Variants in C2orf92 observed in about 807,000 individuals in gnomAD.
C2orf92 encodes the protein uncharacterized protein C2orf92.
At chr2:97,677,918 A>G (rs1014799711) in intron 3 of C2orf92, among the ~76,000 whole-genome samples, 5 of 152,204 alleles carry the variant, frequency 3.3e-5, no homozygotes, top group African/African-American at 1.2e-4. Flanking sequence ...GAAAAGTGTA[A>G]TAAATGAATA....
At chr2:97,686,661 G>T (rs1573217321) in intron 3 of C2orf92, among the ~76,000 whole-genome samples, 1 of 151,878 alleles carries the variant, frequency 6.6e-6, no homozygotes, top group African/African-American at 2.4e-5. Context: ...CTCATGATCT[G>T]CCCACCTCGG....
chr2:97,674,300 AG>A (rs1400926027), intron 1 of C2orf92, 155 bp from the exon 2 acceptor site: 5 of 393,956 alleles, frequency 1.3e-5, no homozygotes, highest in Non-Finnish European at 2.2e-5. Context: ...GAAATGATTT[AG>A]GTAGTTGGAG....
chr2:97,687,025 C>T (rs1181528498), intron 3 of C2orf92, among the ~76,000 whole-genome samples: 1 of 151,808 alleles, frequency 6.6e-6, no homozygotes, highest in Non-Finnish European at 1.5e-5. Flanking sequence ...GTGATGTTTA[C>T]ACAACACTGT....
chr2:97,698,786 G>A (rs1315917606), intron 5 of C2orf92, among the ~76,000 whole-genome samples: 5 of 152,284 alleles, frequency 3.3e-5, no homozygotes, highest in Admixed American at 6.5e-5. Context: ...ATGCACGCTC[G>A]AGTGTAAGAA....
upstream of C2orf92, among the ~76,000 whole-genome samples, chr2:97,667,464 A>C (rs1306205688): frequency 6.9e-5 from 7 of 101,702 alleles, no homozygotes; most frequent in African/African-American, 1.6e-4. Context: ...ATGGAGTCTC[A>C]CTCTGTCACC....
intron 3 of C2orf92, among the ~76,000 whole-genome samples, chr2:97,680,303 A>G (rs955071658): frequency 1.3e-5 from 2 of 152,102 alleles, no homozygotes; most frequent in African/African-American, 4.8e-5. Context: ...CATCTCAAAA[A>G]CAAAAACAAA....
intron 7 of C2orf92, chr2:97,701,919 A>G (rs1450606840): frequency 6.6e-6 from 1 of 152,270 alleles, no homozygotes; most frequent in Non-Finnish European, 1.5e-5. Flanking sequence ...CAGTTGTTAA[A>G]TATTTTGGTT....
chr2:97,671,810 G>A (rs904960910), intron 1 of C2orf92: 7 of 273,186 alleles, frequency 2.6e-5, no homozygotes, highest in East Asian at 6.3e-5. Flanking sequence ...CCCCAAAGCC[G>A]AGCTGAACCT....
chr2:97,689,447 C>G (rs1277960369), intron 4 of C2orf92, among the ~76,000 whole-genome samples: 1 of 152,194 alleles, frequency 6.6e-6, no homozygotes, highest in Non-Finnish European at 1.5e-5. Context: ...AAATGACTTA[C>G]CTTAAGCACA....
At chr2:97,691,736 G>A (rs1676144498) in intron 5 of C2orf92, among the ~76,000 whole-genome samples, 1 of 152,076 alleles carries the variant, frequency 6.6e-6, no homozygotes, top group African/African-American at 2.4e-5. Context: ...TTCCTGGCTG[G>A]GTGATGTAGC....
chr2:97,686,651 C>T (rs890511245), intron 3 of C2orf92, among the ~76,000 whole-genome samples: 1 of 151,842 alleles, frequency 6.6e-6, no homozygotes, highest in Admixed American at 6.6e-5. Context: ...GAACTCCTGA[C>T]TCATGATCTG....
At chr2:97,696,420 G>A (rs2104597993) in intron 5 of C2orf92, among the ~76,000 whole-genome samples, 1 of 152,082 alleles carries the variant, frequency 6.6e-6, no homozygotes, top group South Asian at 2.1e-4. Context: ...CCTCCTCCTT[G>A]GCAGTAGTGA....
chr2:97,686,545 G>A (rs916946691), intron 3 of C2orf92, among the ~76,000 whole-genome samples: 12 of 151,932 alleles, frequency 7.9e-5, no homozygotes, highest in South Asian at 2.1e-4. Flanking sequence ...TCAGCCTCCC[G>A]CGTAGCTGGG....
intron 3 of C2orf92, among the ~76,000 whole-genome samples, chr2:97,686,314 A>G (rs1484454670): frequency 6.6e-6 from 1 of 152,244 alleles, no homozygotes; most frequent in African/African-American, 2.4e-5. Context: ...ATTAGGCCCT[A>G]CCTCCTAACA....
chr2:97,688,914 G>A lies in C2orf92; in HGVS notation c.252G>A (p.Val84=), dbSNP rs1573219612. Residue 84 remains valine, a synonymous_variant, in exon 4 of 8, where the codon GTG becomes GTA. Transcript: ENST00000627399. The part of the protein sequence containing the change: ...AKIFDEILLQ[V]FPKFPYDPSF... ...CTGGAGATGAAATTCTACTGCAGGT[G>A]TTTCCAAAGTTTCCGTATGACCCAT... The A allele has an allele frequency of 2.5e-6, 1 of 398,610 alleles. No individual in the cohort carries two copies. The highest frequency in any genetic ancestry group is 4.4e-6 in the Non-Finnish European group (1 of 226,062). 24.7% of individuals were successfully genotyped at this position (398,610 alleles called of 1,614,324 possible). A position where few individuals can be genotyped will look rare whatever the true frequency, so the allele number is the denominator to read the frequency against.
chr2:97,664,777 G>A (rs1205153242), upstream of C2orf92: 2 of 152,134 alleles, frequency 1.3e-5, no homozygotes, highest in African/African-American at 4.8e-5. Flanking sequence ...ATCTCGCTAT[G>A]TTCCCCGGGC....
intron 5 of C2orf92, among the ~76,000 whole-genome samples, chr2:97,690,793 T>G (rs1221466361): frequency 1.3e-5 from 2 of 150,072 alleles, no homozygotes; most frequent in Non-Finnish European, 3.0e-5. Context: ...TTTGTTTTTT[T>G]TTTTGAGACA....
In C2orf92 at chr2:97,702,670, T is replaced by A. The variant is rs1676532936; in HGVS notation, c.667T>A (p.Ser223Thr). ...GTGGTTTTTGTTATTTTGTTTTAGA[T>A]CTCCTCTGGCAAACACGACATATAA... ...ASYIRKKQPS[S>T]PLANTTYNIF... Residue 223 changes from serine to threonine, a missense_variant and splice_region_variant, in exon 8 of 8, where the codon TCT becomes ACT. Physicochemically the swap from Ser to Thr is moderately conservative, Grantham distance 58 (BLOSUM62 1). Coordinates refer to ENST00000627399, the MANE Select transcript of C2orf92 (RefSeq NM_001351368.2). 2.5e-6 allele frequency: 1 copy of A among 398,680 alleles called. No individual in the cohort carries two copies. Among genetic ancestry groups the A allele is most frequent in the African/African-American group, 2.1e-5 (1 of 48,508 alleles). 24.7% of individuals were successfully genotyped at this position (398,680 alleles called of 1,614,324 possible). A position where few individuals can be genotyped will look rare whatever the true frequency, so the allele number is the denominator to read the frequency against.
At chr2:97,696,501 C>T (rs1243751343) in intron 5 of C2orf92, among the ~76,000 whole-genome samples, 4 of 152,044 alleles carry the variant, frequency 2.6e-5, no homozygotes, top group Admixed American at 6.6e-5. Context: ...CTTGGGAGGC[C>T]GAGGCAGGTG....
Sources: gnomAD v4.1 joint callset for allele counts (sites outside exome capture counted in the v4.1 genomes callset) on GRCh38, gnomAD v4.1.1 for gene constraint, MANE v1.5 for transcripts, NCBI Gene and HGNC (gene_info 2026-07-23, HGNC 2026-07-21) for gene names.